The following GGT1 variants were observed in gnomAD, a reference collection of about 807,000 sequenced individuals.
GGT1 encodes the protein glutathione hydrolase 1 proenzyme.
GGT1 carries 21 observed loss-of-function variants against 56.0 expected under a neutral mutation model. That is an observed-to-expected ratio of 0.38 (90% confidence interval 0.27 to 0.54). GGT1 has a LOEUF of 0.54. GGT1 is among the 20% of genes least tolerant of loss of function. The probability of loss-of-function intolerance (pLI) is 0.82; values close to 1 mark genes in which losing one functional copy is unlikely to be tolerated. For missense variants in GGT1, 466 were observed against 787.0 expected (o/e 0.59, Z 4.88); for synonymous variants, 238 against 342.6 (o/e 0.69, Z 3.37).
rs1429990122 is a variant in GGT1 at position 24,603,278 on chromosome 22, C to A, written c.-678C>A. On this transcript the variant is annotated 5_prime_UTR_variant, in exon 1 of 16. Coordinates refer to ENST00000400382, the MANE Select transcript of GGT1 (RefSeq NM_001288833.2). ...TTGGCTGTGCCCCAGTGCTGTGTGA[C>A]CCAGAGGCGCCGCTCACCCTCTCTG... is the stretch of plus-strand genomic sequence containing the variant. 1 of 152,446 alleles carries A rather than the reference C, an allele frequency of 6.6e-6. No homozygotes were observed. The highest frequency in any genetic ancestry group is 1.5e-5 in the Non-Finnish European group (1 of 68,208). The allele number at this position is 152,446 out of a possible 1,614,324, so 9.4% of individuals were successfully genotyped here. A position where few individuals can be genotyped will look rare whatever the true frequency, so the allele number is the denominator to read the frequency against.
At chr22:24,599,209 CT>C (rs2045743300), upstream of GGT1, 1 of 152,226 alleles carries the variant, frequency 6.6e-6, no homozygotes, top group African/African-American at 2.4e-5. Flanking sequence ...CGCAGCCGGC[CT>C]GCAGAGTGAG....
intron 7 of GGT1, among the ~76,000 whole-genome samples, chr22:24,616,953 T>C (rs1432894496): frequency 6.6e-6 from 1 of 152,196 alleles, no homozygotes; most frequent in African/African-American, 2.4e-5. Context: ...TTGTGGACTC[T>C]TAGAATCATT....
intron 1 of GGT1, among the ~76,000 whole-genome samples, chr22:24,595,045 T>C (rs544648480): frequency 5.3e-5 from 8 of 151,952 alleles, no homozygotes; most frequent in Non-Finnish European, 1.2e-4. Context: ...AAGGAGGGAA[T>C]GGAGGGCTGA....
Position 24,605,759 on chromosome 22 carries a change from TATA to T in GGT1, c.-428-2191_-428-2189del, listed in dbSNP as rs1404508039. Among the ~76,000 whole-genome samples the T allele has an allele frequency of 5.2e-5, 4 of 76,274 alleles. No individual in the cohort carries two copies. The East Asian group carries it at 1.1e-3, about 21-fold the overall frequency. 50.0% of individuals were successfully genotyped at this position (76,274 alleles called of 152,430 possible). Reference sequence around the variant, plus strand: ...ATTATATAATGTGTATTATATATTATATAATATTATATAATGTGTATTATATAT... The same window carrying T: ...ATTATATAATGTGTATTATATATTATATATTATATAATGTGTATTATATAT... On this transcript the variant is annotated intron_variant, in intron 1 of 15. Transcript: ENST00000400382.
At chr22:24,600,325 A>G (rs186779966), upstream of GGT1, among the ~76,000 whole-genome samples, 72 of 152,336 alleles carry the variant, frequency 4.7e-4, no homozygotes, top group African/African-American at 1.7e-3. Flanking sequence ...GACTGAGGCT[A>G]GGAAGGGAAA....
chr22:24,624,112 A>G lies in GGT1; in HGVS notation c.1020+196A>G, dbSNP rs191183611. ...TTGGCTTCTGCCGCACAGAACTGAC[A>G]GTGTGGGGAATTAGTGGCCACCCTC... On this transcript the variant is annotated intron_variant, in intron 11 of 15. Transcript: ENST00000400382. 1.3e-4 allele frequency: 125 copies of G among 985,402 alleles called. No individual in the cohort carries two copies. The Middle Eastern group carries it at 6.3e-3, about 49-fold the overall frequency. The allele number at this position is 985,402 out of a possible 1,614,324, so 61.0% of individuals were successfully genotyped here.
At chr22:24,597,673 T>A (rs1242432566) in intron 1 of GGT1, among the ~76,000 whole-genome samples, 1 of 422 alleles carries the variant, frequency 2.4e-3, no homozygotes, top group Non-Finnish European at 9.1e-3. Context: ...AGAGTGAGAC[T>A]CCATCTCAAA....
Position 24,628,516 on chromosome 22 carries a change from C to T in GGT1, c.1563+128C>T. On this transcript the variant is annotated intron_variant, in intron 15 of 15. Coordinates refer to ENST00000400382, the MANE Select transcript of GGT1 (RefSeq NM_001288833.2). The surrounding 1 kb of genome is among the most constrained non-coding windows in gnomAD (Gnocchi z 5.7). ...CTCTAGTGCCTGGGCCATCTGGAGC[C>T]CCTGTGCCATGAGGGCCAAGCCCCC... The T allele has an allele frequency of 1.5e-6, 2 of 1,340,392 alleles. No individual in the cohort carries two copies. Among genetic ancestry groups the T allele is most frequent in the South Asian group, 1.2e-5 (1 of 80,820 alleles). The allele number at this position is 1,340,392 out of a possible 1,614,324, so 83.0% of individuals were successfully genotyped here.
rs2047521087 is a variant in GGT1, at chr22:24,622,907, G to C, written c.734-200G>C. Among the ~76,000 whole-genome samples the C allele has an allele frequency of 2.0e-5, 3 of 152,268 alleles. No individual in the cohort carries two copies. The South Asian group carries it at 6.2e-4, about 32-fold the overall frequency. ...CCGGAGCTGATGAGGTTCCCAAGGA[G>C]GTGAGGTTGCCTGTGGCCCCCTCCC... On this transcript the variant is annotated intron_variant, in intron 9 of 15. Coordinates refer to ENST00000400382, the MANE Select transcript of GGT1 (RefSeq NM_001288833.2).
chr22:24,605,526 T>C (rs1569048726), intron 1 of GGT1, among the ~76,000 whole-genome samples: 2 of 66,092 alleles, frequency 3.0e-5, no homozygotes, highest in East Asian at 8.9e-4. Context: ...TTATATATTA[T>C]ATAATATTAT....
intron 1 of GGT1, among the ~76,000 whole-genome samples, chr22:24,605,186 T>A (rs1247846817): frequency 3.9e-5 from 2 of 50,980 alleles, no homozygotes; most frequent in East Asian, 4.5e-4. Flanking sequence ...TGTAATATAT[T>A]ATATAATATA....
chr22:24,612,240 TATTC>T (rs1162647769), intron 5 of GGT1, among the ~76,000 whole-genome samples: 11 of 140,822 alleles, frequency 7.8e-5, no homozygotes, highest in African/African-American at 3.2e-4. Flanking sequence ...ACGCCCGGCT[TATTC>T]TTTTTTTTTT....
At chr22:24,602,268 C>T (rs865989868), upstream of GGT1, among the ~76,000 whole-genome samples, 15 of 152,194 alleles carry the variant, frequency 9.9e-5, no homozygotes, top group African/African-American at 3.6e-4. Flanking sequence ...TTCCCAAGGC[C>T]CCTATTCTGG....
chr22:24,597,004 G>T (rs1241961066), intron 1 of GGT1, among the ~76,000 whole-genome samples: 1 of 132,998 alleles, frequency 7.5e-6, no homozygotes, highest in Non-Finnish European at 1.6e-5. Context: ...TTTTTTTTGA[G>T]ACAGTCTCAC....
chr22:24,606,047 ATATAT>A (rs1364797902), intron 1 of GGT1, among the ~76,000 whole-genome samples: 4 of 87,390 alleles, frequency 4.6e-5, no homozygotes, highest in Non-Finnish European at 7.6e-5. Context: ...ATAATATATC[ATATAT>A]TATATTTATA....
In GGT1 at chr22:24,605,430, T is replaced by C. The variant is rs1242370009; in HGVS notation, c.-429+1903T>C. Among the ~76,000 whole-genome samples, 2 of 80,500 alleles carry C rather than the reference T, an allele frequency of 2.5e-5. 1 individual carries two copies. Among genetic ancestry groups the C allele is most frequent in the East Asian group, 7.5e-4 (2 of 2,684 alleles). The allele number at this position is 80,500 out of a possible 152,430, so 52.8% of individuals were successfully genotyped here. A position where few individuals can be genotyped will look rare whatever the true frequency, so the allele number is the denominator to read the frequency against. On this transcript the variant is annotated intron_variant, in intron 1 of 15. Coordinates refer to ENST00000400382, the MANE Select transcript of GGT1 (RefSeq NM_001288833.2). ...AATATTATATAATATGTATTATATA[T>C]TATATAACAATATATAATGTGTATT...
the GGT1 span, chr22:24,588,232 TG>T: frequency 6.2e-7 from 1 of 1,613,076 alleles, no homozygotes; most frequent in East Asian, 2.2e-5. Flanking sequence ...GGTCTTCCTC[TG>T]GCGCAGGCTG....
At chr22:24,606,961 G>T (rs2046361322) in intron 1 of GGT1, among the ~76,000 whole-genome samples, 1 of 150,652 alleles carries the variant, frequency 6.6e-6, no homozygotes. Context: ...GGCAGATGAG[G>T]GCCACAGGGG....
intron 1 of GGT1, chr22:24,598,131 A>G (rs1360918132): frequency 2.0e-5 from 3 of 152,226 alleles, no homozygotes; most frequent in Non-Finnish European, 4.4e-5. Context: ...CAGTAGCTCA[A>G]AGGAAACTTT....
Sources: allele counts gnomAD v4.1 joint callset (sites outside exome capture counted in the v4.1 genomes callset), GRCh38; gene constraint gnomAD v4.1.1; non-coding constraint Gnocchi (gnomAD v3.1); transcripts MANE v1.5; gene names NCBI Gene and HGNC (gene_info 2026-07-23, HGNC 2026-07-21).